The following CNGA3 variants were observed in gnomAD, a reference collection of about 807,000 sequenced individuals.
CNGA3 encodes cyclic nucleotide gated channel subunit alpha 3.
A neutral mutation model predicts 46.6 loss-of-function variants in CNGA3; 42 were observed. That is an observed-to-expected ratio of 0.90 (90% CI 0.70 to 1.17). The LOEUF (loss-of-function observed/expected upper bound fraction) is 1.17, where lower values mean the gene tolerates loss of function less well. Among genes scored for constraint, CNGA3 ranks in the 50% most tolerant of loss-of-function variants. CNGA3 has a pLI of 0.00. For missense variants in CNGA3, 893 were observed against 890.7 expected, an observed-to-expected ratio of 1.00 and a Z score of -0.03; for synonymous variants, 394 against 369.4, an observed-to-expected ratio of 1.07 and a Z score of -0.76.
intron 1 of CNGA3, among the ~76,000 whole-genome samples, chr2:98,367,306 T>C (rs903672989): frequency 6.6e-6 from 1 of 151,622 alleles, no homozygotes; most frequent in Non-Finnish European, 1.5e-5. Flanking sequence ...ACCATTCTCC[T>C]GCCTCAGCCT....
In CNGA3 at chr2:98,383,440, G is replaced by GAGTA; in HGVS notation, c.449+4_449+7dup. The GAGTA allele has an allele frequency of 3.1e-6, 5 of 1,614,166 alleles. No homozygotes were observed. The highest frequency in any genetic ancestry group is 4.2e-6 in the Non-Finnish European group (5 of 1,180,044). On this transcript the variant is annotated stop_gained and frameshift_variant and splice_region_variant, in exon 5 of 8. Coordinates refer to ENST00000272602, the MANE Select transcript of CNGA3 (RefSeq NM_001298.3). LOFTEE classifies it high-confidence loss of function. ...TAACACCAGCAACAACACGGAGGAGGAGTAAGTACCCACACACCCAGCAGA... is the reference window on the plus strand; with the variant it reads ...TAACACCAGCAACAACACGGAGGAGGAGTAAGTAAGTACCCACACACCCAGCAGA...
chr2:98,373,787 G>C (rs1692342390), intron 2 of CNGA3, among the ~76,000 whole-genome samples: 2 of 152,160 alleles, frequency 1.3e-5, no homozygotes, highest in Non-Finnish European at 2.9e-5. Context: ...AGGACTGAGG[G>C]CAACTTAAAT....
chr2:98,393,126 TG>T (rs774559242), intron 7 of CNGA3, among the ~76,000 whole-genome samples: 104 of 151,710 alleles, frequency 6.9e-4, no homozygotes, highest in Non-Finnish European at 1.2e-3. Context: ...TAGCTGGACG[TG>T]TTGGTGTGTG....
chr2:98,370,715 A>G (rs1421287559), intron 2 of CNGA3, among the ~76,000 whole-genome samples: 1 of 152,220 alleles, frequency 6.6e-6, no homozygotes, highest in Non-Finnish European at 1.5e-5. Context: ...TCCATGCCTC[A>G]ATTTCTTCAC....
intron 5 of CNGA3, among the ~76,000 whole-genome samples, chr2:98,387,047 C>T (rs1375533625): frequency 6.6e-6 from 1 of 152,142 alleles, no homozygotes; most frequent in African/African-American, 2.4e-5. Flanking sequence ...TAATTTGTTC[C>T]GGCAGAAATA....
rs879018818 is a variant in CNGA3, at chr2:98,377,999, G to GC, written c.215+199_215+200insC. The GC allele has an allele frequency of 5.4e-5, 82 of 1,521,794 alleles. No homozygotes were observed. The South Asian group carries it at 1.0e-3, about 19-fold the overall frequency. 94.3% of individuals were successfully genotyped at this position (1,521,794 alleles called of 1,614,324 possible). On this transcript the variant is annotated intron_variant, in intron 3 of 7. Coordinates refer to ENST00000272602, the MANE Select transcript of CNGA3 (RefSeq NM_001298.3). ...ATGTTCTGAGCTCAGAAAAGTCTAA[G>GC]GAAAACTGCCTTTATCTGAAATTGC...
rs1463893637 is a variant in CNGA3, at chr2:98,397,905, A to G, written c.*650A>G. On this transcript the variant is annotated 3_prime_UTR_variant, in exon 8 of 8. Transcript: ENST00000272602. Reference sequence around the variant, plus strand: ...AATCCAGACTCCTTGCCGTTCAGCCACTGTGAAACCAGAATCTGCTTCACA... The same window carrying G: ...AATCCAGACTCCTTGCCGTTCAGCCGCTGTGAAACCAGAATCTGCTTCACA... 2 of 153,558 alleles carry G rather than the reference A, an allele frequency of 1.3e-5. No individual in the cohort carries two copies. Among genetic ancestry groups the G allele is most frequent in the East Asian group, 1.9e-4 (1 of 5,206 alleles). The allele number at this position is 153,558 out of a possible 1,614,324, so 9.5% of individuals were successfully genotyped here.
At chr2:98,391,184 G>T (rs1176625737) in intron 6 of CNGA3, among the ~76,000 whole-genome samples, 1 of 152,246 alleles carries the variant, frequency 6.6e-6, no homozygotes, top group Non-Finnish European at 1.5e-5. Flanking sequence ...CTCTTCGGAG[G>T]GATTGCGGGG....
Position 98,396,182 on chromosome 2 carries a change from C to T in CNGA3, c.1012C>T (p.Pro338Ser). The T allele has an allele frequency of 6.2e-7, 1 of 1,614,164 alleles. No individual in the cohort carries two copies. The highest frequency in any genetic ancestry group is 8.5e-7 in the Non-Finnish European group (1 of 1,180,038). ...TTTTGGGACAGACTCCTGGGTCTAC[C>T]CAAACATCTCAATCCCAGAGCATGG... is the stretch of plus-strand genomic sequence containing the variant. Reference protein sequence around the residue: ...IGFGTDSWVYPNISIPEHGRL... With the variant: ...IGFGTDSWVYSNISIPEHGRL... Residue 338 changes from proline (P) to serine (S), a missense_variant, in exon 8 of 8, where the codon CCA (proline) becomes TCA (serine). By Grantham distance (74) the Pro-to-Ser change is moderately conservative. This residue lies in a region of CNGA3 where 548 missense variants were observed against 570.8 expected (regional missense o/e 0.96). Coordinates refer to ENST00000272602, the MANE Select transcript of CNGA3 (RefSeq NM_001298.3).
At chr2:98,382,838 G>A (rs1361544680) in intron 4 of CNGA3, among the ~76,000 whole-genome samples, 1 of 152,226 alleles carries the variant, frequency 6.6e-6, no homozygotes, top group African/African-American at 2.4e-5. Flanking sequence ...GAGGACAAGA[G>A]GAGGAGAAAC....
In CNGA3 at chr2:98,377,768, G is replaced by GCAGGGCTCCTTCACCGGC; in HGVS notation, c.189_206dup (p.Ser64_Gly69dup). ...AGACCAGAGGACTGGCTGACTCCGG[G>GCAGGGCTCCTTCACCGGC]CAGGGCTCCTTCACCGGCCAGGGGA... On this transcript the variant is annotated inframe_insertion, in exon 3 of 8. Transcript: ENST00000272602. 1 of 1,612,460 alleles carries GCAGGGCTCCTTCACCGGC rather than the reference G, an allele frequency of 6.2e-7. No homozygotes were observed. The highest frequency in any genetic ancestry group is 1.1e-5 in the South Asian group (1 of 90,744).
intron 1 of CNGA3, among the ~76,000 whole-genome samples, chr2:98,348,849 CAG>C (rs1691705728): frequency 6.6e-6 from 1 of 152,198 alleles, no homozygotes; most frequent in Non-Finnish European, 1.5e-5. Flanking sequence ...TGCAACCTAC[CAG>C]GTGGCCTGCA....
chr2:98,392,504 T>TG (rs1022535006), intron 7 of CNGA3, among the ~76,000 whole-genome samples: 1 of 150,286 alleles, frequency 6.7e-6, no homozygotes. Flanking sequence ...GAGGTTGCAG[T>TG]GAGTGGAGAT....
intron 1 of CNGA3, among the ~76,000 whole-genome samples, chr2:98,369,012 C>T (rs1048300749): frequency 5.9e-5 from 9 of 152,210 alleles, no homozygotes; most frequent in Non-Finnish European, 8.8e-5. Context: ...GCGAATCTTA[C>T]GACCTCTGGA....
intron 7 of CNGA3, among the ~76,000 whole-genome samples, chr2:98,392,412 T>C (rs111699009): frequency 0.012 from 1,857 of 152,036 alleles, 52 homozygotes; most frequent in African/African-American, 0.042. Context: ...ATACAAAAAT[T>C]AGCTGGGCCC....
intron 2 of CNGA3, among the ~76,000 whole-genome samples, chr2:98,374,853 A>G (rs1471164535): frequency 6.6e-6 from 1 of 152,260 alleles, no homozygotes; most frequent in Non-Finnish European, 1.5e-5. Flanking sequence ...GGCCCCTGGA[A>G]CTTGCATCAT....
chr2:98,387,858 G>C (rs1248039399), intron 5 of CNGA3, among the ~76,000 whole-genome samples: 1 of 152,184 alleles, frequency 6.6e-6, no homozygotes, highest in African/African-American at 2.4e-5. Context: ...CATTCAGAAC[G>C]GAGAGCCTGG....
intron 4 of CNGA3, among the ~76,000 whole-genome samples, chr2:98,381,548 T>C (rs933257989): frequency 2.0e-5 from 3 of 152,256 alleles, no homozygotes; most frequent in South Asian, 2.1e-4. Context: ...TTGTATGTCA[T>C]AGATGATGCA....
At chr2:98,369,326 A>G (rs756908996) in intron 1 of CNGA3, among the ~76,000 whole-genome samples, 50 of 152,230 alleles carry the variant, frequency 3.3e-4, no homozygotes, top group Non-Finnish European at 5.6e-4. Context: ...TCTATCTTTC[A>G]TTGGACAAGC....
Sources: gnomAD v4.1 joint callset for allele counts (sites outside exome capture counted in the v4.1 genomes callset) on GRCh38, gnomAD v4.1.1 for gene constraint, gnomAD v4.1.1 regional missense constraint, MANE v1.5 for transcripts, NCBI Gene and HGNC (gene_info 2026-07-23, HGNC 2026-07-21) for gene names.